Variants in AGBL4 observed in about 807,000 individuals in gnomAD.
AGBL4 encodes the protein AGBL carboxypeptidase 4, also known as cytosolic carboxypeptidase 6.
In AGBL4, 58 loss-of-function variants were observed where a neutral mutation model predicts 66.4. The observed-to-expected ratio is 0.87, with a 90% CI of 0.71 to 1.09. The LOEUF (loss-of-function observed/expected upper bound fraction) is 1.09. Ranked by LOEUF, AGBL4 falls within the 50% of genes least tolerant of loss-of-function variation. The probability of loss-of-function intolerance (pLI) is 0.00; values close to 1 mark genes in which losing one functional copy is unlikely to be tolerated. For synonymous variants in AGBL4, 234 were observed against 222.9 expected (o/e 1.05, Z -0.44); for missense variants, 579 against 631.0 (o/e 0.92, Z 0.88).
intron 12 of AGBL4, 64 bp from the exon 13 acceptor site, chr1:48,534,980 A>G: frequency 7.0e-7 from 1 of 1,427,196 alleles, no homozygotes; most frequent in Non-Finnish European, 9.7e-7. Context: ...GAAGTTGAAG[A>G]GGTGCTATTC....
chr1:48,841,716 A>G (rs1646808739), intron 6 of AGBL4, among the ~76,000 whole-genome samples: 1 of 152,094 alleles, frequency 6.6e-6, no homozygotes, highest in Non-Finnish European at 1.5e-5. Context: ...TTGCAGTGAG[A>G]ATTTATGGTT....
chr1:48,988,334 G>A (rs1660335967), intron 5 of AGBL4, among the ~76,000 whole-genome samples: 1 of 152,160 alleles, frequency 6.6e-6, no homozygotes, highest in African/African-American at 2.4e-5. Flanking sequence ...GGCTTCTAAT[G>A]AGTGGGGATT....
At chr1:49,164,707 A>T (rs766766603) in intron 4 of AGBL4, among the ~76,000 whole-genome samples, 1 of 152,156 alleles carries the variant, frequency 6.6e-6, no homozygotes, top group African/African-American at 2.4e-5. Flanking sequence ...TTATTTTGTC[A>T]TCTGTTGCCT....
chr1:49,778,934 CA>C (rs1644267431), intron 2 of AGBL4, among the ~76,000 whole-genome samples: 1 of 152,152 alleles, frequency 6.6e-6, no homozygotes, highest in African/African-American at 2.4e-5. Flanking sequence ...CAAACATGCA[CA>C]TGTATCCCCT....
rs71059557 is a variant in AGBL4 at position 49,622,628 on chromosome 1, C to CAAAA, written c.282+74681_282+74684dup. 9.2e-5 allele frequency among the ~76,000 whole-genome samples: 6 copies of CAAAA among 65,488 alleles called. 1 individual carries two copies. The East Asian group carries it at 2.0e-3, about 22-fold the overall frequency. The allele number at this position is 65,488 out of a possible 152,430, so 43.0% of individuals were successfully genotyped here. ...TGGGCGACAGAGCGAGACTCCGTCT[C>CAAAA]AAAAAAAAAAAAAAAAAAAAAAAAA... On this transcript the variant is annotated intron_variant, in intron 3 of 13. Coordinates refer to ENST00000371839, the MANE Select transcript of AGBL4 (RefSeq NM_032785.4).
At chr1:50,012,019 C>T (rs911618400) in intron 1 of AGBL4, among the ~76,000 whole-genome samples, 4 of 151,900 alleles carry the variant, frequency 2.6e-5, no homozygotes, top group South Asian at 2.1e-4. Context: ...ATTAGCCGGG[C>T]GCGGTGGCGG....
intron 4 of AGBL4, among the ~76,000 whole-genome samples, chr1:49,117,121 C>T (rs1291723260): frequency 2.0e-5 from 3 of 151,630 alleles, no homozygotes; most frequent in African/African-American, 7.3e-5. Flanking sequence ...GGATATTAGC[C>T]CTTTGTCAGA....
At chr1:49,098,960 T>A (rs1645155004) in intron 4 of AGBL4, among the ~76,000 whole-genome samples, 1 of 152,202 alleles carries the variant, frequency 6.6e-6, no homozygotes. Flanking sequence ...TTATGGAATA[T>A]AATTTCCGGC....
In AGBL4 at chr1:49,239,663, T is replaced by G. The variant is rs143149478; in HGVS notation, c.377+6107A>C. ...AAAAACTAAAAAGGAAAATGTAAAATTAAAAATAATCATTAGGTTTAGTGG... is the reference window on the plus strand; with the variant it reads ...AAAAACTAAAAAGGAAAATGTAAAAGTAAAAATAATCATTAGGTTTAGTGG... On this transcript the variant is annotated intron_variant, in intron 4 of 13. Transcript: ENST00000371839. 2.0e-5 allele frequency among the ~76,000 whole-genome samples: 3 copies of G among 152,190 alleles called. No homozygotes were observed. In the East Asian group the frequency reaches 5.8e-4, roughly 29 times the overall value.
chr1:49,457,294 T>C (rs541462603), intron 3 of AGBL4, among the ~76,000 whole-genome samples: 1 of 152,008 alleles, frequency 6.6e-6, no homozygotes, highest in South Asian at 2.1e-4. Context: ...TATCGCATTG[T>C]GGTTTTGACC....
chr1:48,548,988 C>T (rs1644209819), intron 11 of AGBL4, among the ~76,000 whole-genome samples: 1 of 152,142 alleles, frequency 6.6e-6, no homozygotes, highest in Non-Finnish European at 1.5e-5. Context: ...CAGACACATC[C>T]CTGTCCTCAT....
chr1:49,720,650 G>A (rs1648527908), intron 2 of AGBL4, among the ~76,000 whole-genome samples: 1 of 152,108 alleles, frequency 6.6e-6, no homozygotes, highest in South Asian at 2.1e-4. Flanking sequence ...GTTTCTACTT[G>A]CAAATTCATA....
chr1:49,879,016 G>C (rs1010915513), intron 1 of AGBL4, among the ~76,000 whole-genome samples: 1 of 103,344 alleles, frequency 9.7e-6, no homozygotes, highest in Admixed American at 1.2e-4. Flanking sequence ...TTGCTTGGTA[G>C]ATCTTCCTCC....
At chr1:49,053,603 C>T (rs1246950371) in intron 4 of AGBL4, among the ~76,000 whole-genome samples, 5 of 152,036 alleles carry the variant, frequency 3.3e-5, no homozygotes, top group Non-Finnish European at 7.4e-5. Context: ...ACTAAGCAGT[C>T]CTGCTTATAG....
At chr1:49,883,396 T>C (rs1571797770) in intron 1 of AGBL4, among the ~76,000 whole-genome samples, 1 of 152,096 alleles carries the variant, frequency 6.6e-6, no homozygotes, top group East Asian at 1.9e-4. Context: ...AAGATAATTA[T>C]TGCTTCTCTG....
In AGBL4 at chr1:49,697,264, A is replaced by G. The variant is rs1014041157; in HGVS notation, c.282+49T>C. ...GATATTTCTAAAAGAAGACAAAAGC[A>G]TATTATTCTTACCAAAACCACTCTG... On this transcript the variant is annotated intron_variant, in intron 3 of 13. Transcript: ENST00000371839. 6 of 1,501,688 alleles carry G rather than the reference A, an allele frequency of 4.0e-6. No homozygotes were observed. The African/African-American group carries it at 6.9e-5, about 17-fold the overall frequency. The allele number at this position is 1,501,688 out of a possible 1,614,324, so 93.0% of individuals were successfully genotyped here.
At chr1:49,186,279 ATTC>A (rs989103460) in intron 4 of AGBL4, among the ~76,000 whole-genome samples, 33 of 152,258 alleles carry the variant, frequency 2.2e-4, no homozygotes, top group African/African-American at 7.5e-4. Flanking sequence ...TAATGAATTT[ATTC>A]TTCAAGGCCA....
At chr1:48,631,156 G>T (rs899568416) in intron 9 of AGBL4, among the ~76,000 whole-genome samples, 70 of 152,104 alleles carry the variant, frequency 4.6e-4, no homozygotes, top group African/African-American at 1.6e-3. Flanking sequence ...TTAGAAAAAA[G>T]CCCAGAAGTT....
rs750140144 is a variant in AGBL4, at chr1:49,384,260, G to A, written c.283-138396C>T. Among the ~76,000 whole-genome samples the A allele has an allele frequency of 5.3e-5, 8 of 151,872 alleles. No homozygotes were observed. In the East Asian group the frequency reaches 1.4e-3, roughly 26 times the overall value. ...CTTAAAACTCAATGATAAAAAATTC[G>A]GATTCAAAAATTCGGAAGAGACAAT... is the stretch of plus-strand genomic sequence containing the variant. On this transcript the variant is annotated intron_variant, in intron 3 of 13. Transcript: ENST00000371839.
Sources: gnomAD v4.1 joint callset for allele counts (sites outside exome capture counted in the v4.1 genomes callset) on GRCh38, gnomAD v4.1.1 for gene constraint, MANE v1.5 for transcripts, NCBI Gene and HGNC (gene_info 2026-07-23, HGNC 2026-07-21) for gene names.